SHC4: variants seen among roughly 807,000 people sequenced by gnomAD.
SHC4 encodes the protein SHC adaptor protein 4.
SHC4 carries 41 observed loss-of-function variants against 69.4 expected under a neutral mutation model. The observed-to-expected ratio is 0.59, with a 90% CI of 0.46 to 0.77. The LOEUF (loss-of-function observed/expected upper bound fraction) is 0.77. Among genes scored for constraint, SHC4 ranks in the 30% least tolerant of loss-of-function variants. The pLI is 0.00. For missense variants in SHC4, 777 were observed against 783.8 expected (o/e 0.99, Z 0.10); for synonymous variants, 318 against 299.3 (o/e 1.06, Z -0.64).
intron 2 of SHC4, among the ~76,000 whole-genome samples, chr15:48,923,623 G>T: frequency 6.8e-6 from 1 of 147,070 alleles, no homozygotes; most frequent in East Asian, 2.0e-4. Flanking sequence ...TAGCAGCACA[G>T]GACTACTCAG....
chr15:48,857,769 T>TA lies in SHC4; in HGVS notation c.992dup (p.Ser332LysfsTer8). 6.2e-7 allele frequency: 1 copy of TA among 1,605,334 alleles called. No homozygotes were observed. The highest frequency in any genetic ancestry group is 8.5e-7 in the Non-Finnish European group (1 of 1,174,672). ...GTTCAAAAGCCTGCCCTATGGTACTTATGACGTCTTGGGCCATTCCATTGT... is the reference window on the plus strand; with the variant it reads ...GTTCAAAAGCCTGCCCTATGGTACTTAATGACGTCTTGGGCCATTCCATTGT... On this transcript the variant is annotated frameshift_variant, in exon 7 of 12. Transcript: ENST00000332408. LOFTEE classifies it high-confidence loss of function.
At chr15:48,886,357 A>G (rs999008164) in intron 3 of SHC4, among the ~76,000 whole-genome samples, 1 of 152,190 alleles carries the variant, frequency 6.6e-6, no homozygotes, top group Non-Finnish European at 1.5e-5. Context: ...TACGTAAATC[A>G]TCTTAATTTT....
chr15:48,866,357 T>C (rs1265471276), intron 6 of SHC4, among the ~76,000 whole-genome samples: 1 of 152,180 alleles, frequency 6.6e-6, no homozygotes, highest in Non-Finnish European at 1.5e-5. Context: ...TTTCATACTG[T>C]TTATCCTCTG....
chr15:48,898,907 T>G (rs1900268852), intron 2 of SHC4, among the ~76,000 whole-genome samples: 1 of 152,230 alleles, frequency 6.6e-6, no homozygotes, highest in Admixed American at 6.5e-5. Context: ...AAGATTGTTC[T>G]CCTTTAGGGT....
At chr15:48,884,760 T>C (rs1054698668) in intron 3 of SHC4, among the ~76,000 whole-genome samples, 2 of 152,202 alleles carry the variant, frequency 1.3e-5, no homozygotes, top group Non-Finnish European at 2.9e-5. Context: ...ACAGAAGGCA[T>C]TGATGAACTC....
In SHC4 at chr15:48,846,541, C is replaced by T. The variant is rs191439424; in HGVS notation, c.1304-2953G>A. ...TCTGAAACCATCTTTTTCAGGAAGC[C>T]TTCCCCTGAATCCTTCCCTCCCTAA... On this transcript the variant is annotated intron_variant, in intron 9 of 11. Coordinates refer to ENST00000332408, the MANE Select transcript of SHC4 (RefSeq NM_203349.4). 2.4e-3 allele frequency among the ~76,000 whole-genome samples: 372 copies of T among 152,234 alleles called. 3 individuals carry two copies. Among genetic ancestry groups the T allele is most frequent in the Non-Finnish European group, 1.9e-3 (127 of 68,014 alleles).
intron 2 of SHC4, among the ~76,000 whole-genome samples, chr15:48,917,326 T>A (rs748862990): frequency 1.9e-4 from 29 of 151,942 alleles, no homozygotes; most frequent in Non-Finnish European, 2.9e-4. Flanking sequence ...GTTTTTGTTG[T>A]TGTTATTGTT....
chr15:48,891,538 T>C (rs1343928311), intron 2 of SHC4, among the ~76,000 whole-genome samples: 2 of 152,224 alleles, frequency 1.3e-5, no homozygotes, highest in African/African-American at 4.8e-5. Context: ...AGCTTTTGTC[T>C]CTGGGACTCT....
intron 1 of SHC4, among the ~76,000 whole-genome samples, chr15:48,946,318 G>T (rs559152969): frequency 1.3e-5 from 2 of 152,310 alleles, no homozygotes; most frequent in East Asian, 3.9e-4. Flanking sequence ...TTGGAAGTCA[G>T]CTGGGTATAA....
At chr15:48,862,744 C>T (rs1595736141) in intron 6 of SHC4, among the ~76,000 whole-genome samples, 1 of 152,164 alleles carries the variant, frequency 6.6e-6, no homozygotes, top group East Asian at 1.9e-4. Context: ...CACCCTCATG[C>T]CCCTTAACTC....
Position 48,886,054 on chromosome 15 carries a change from C to T in SHC4, c.721-1687G>A, listed in dbSNP as rs534255109. On this transcript the variant is annotated intron_variant, in intron 3 of 11. Transcript: ENST00000332408. ...TGAGCAGATCATGAAGTCAGGAGTT[C>T]GAGACCAGCGTGACCAACATGGTGA... Among the ~76,000 whole-genome samples, 8 of 152,238 alleles carry T rather than the reference C, an allele frequency of 5.3e-5. No homozygotes were observed. The East Asian group carries it at 1.4e-3, about 26-fold the overall frequency.
At chr15:48,888,790 G>A (rs1270003287) in intron 3 of SHC4, among the ~76,000 whole-genome samples, 1 of 150,918 alleles carries the variant, frequency 6.6e-6, no homozygotes, top group Non-Finnish European at 1.5e-5. Flanking sequence ...AGATACTCGG[G>A]AGGCTGAGGC....
At chr15:48,913,627 C>A (rs1008944061) in intron 2 of SHC4, among the ~76,000 whole-genome samples, 1 of 152,144 alleles carries the variant, frequency 6.6e-6, no homozygotes, top group East Asian at 1.9e-4. Flanking sequence ...AGGCTTCTCA[C>A]CCCCTTCAAA....
intron 7 of SHC4, 109 bp downstream of exon 7, chr15:48,857,583 C>G: frequency 2.0e-6 from 2 of 1,022,814 alleles, no homozygotes; most frequent in East Asian, 6.6e-5. Context: ...TTTATTAGTT[C>G]ATTTTAAAAT....
intron 4 of SHC4, chr15:48,879,486 G>C (rs1170596315): frequency 6.0e-6 from 1 of 167,078 alleles, no homozygotes; most frequent in East Asian, 1.9e-4. Context: ...CACTAAATGT[G>C]TGTGAATGTA....
chr15:48,861,718 T>C (rs757108742), intron 6 of SHC4, among the ~76,000 whole-genome samples: 3 of 152,184 alleles, frequency 2.0e-5, no homozygotes, highest in Admixed American at 1.3e-4. Context: ...AAAGTCTGGA[T>C]TTTTTTCATC....
chr15:48,913,119 A>G (rs546636563), intron 2 of SHC4, among the ~76,000 whole-genome samples: 1 of 151,884 alleles, frequency 6.6e-6, no homozygotes, highest in South Asian at 2.1e-4. Context: ...CTATAGTAGT[A>G]TAGAGAGGAG....
chr15:48,879,003 A>G, intron 4 of SHC4: 1 of 362,980 alleles, frequency 2.8e-6, no homozygotes, highest in Non-Finnish European at 5.2e-6. Context: ...TGACTTTGTT[A>G]TTGATCCAGA....
In SHC4 at chr15:48,856,023, A is replaced by T; in HGVS notation, c.1172T>A (p.Met391Lys). ...KQPPVGGVSDMRIKVQATEQM... is the reference protein window; with the variant it reads ...KQPPVGGVSDKRIKVQATEQM... The stretch of plus-strand genomic sequence containing the variant: ...TTCCGTGGCTTGAACTTTGATCCGC[A>T]TATCTGAAACACCACCTACTGGTGG... Residue 391 changes from methionine to lysine, a missense_variant, in exon 8 of 12, where the codon ATG becomes AAG. Transcript: ENST00000332408. 1 of 1,613,946 alleles carries T rather than the reference A, an allele frequency of 6.2e-7. No individual in the cohort carries two copies. The highest frequency in any genetic ancestry group is 8.5e-7 in the Non-Finnish European group (1 of 1,179,900).
Sources: gnomAD v4.1 joint callset for allele counts (sites outside exome capture counted in the v4.1 genomes callset) on GRCh38, gnomAD v4.1.1 for gene constraint, MANE v1.5 for transcripts, NCBI Gene and HGNC (gene_info 2026-07-23, HGNC 2026-07-21) for gene names.